AGMO: variants seen among roughly 807,000 people sequenced by gnomAD.
AGMO encodes the protein alkylglycerol monooxygenase.
Under a neutral mutation model 60.2 loss-of-function variants are expected in AGMO, and 75 were observed. The ratio of observed to expected loss-of-function variants is 1.25; its 90% CI spans 1.03 to 1.51. AGMO has a LOEUF of 1.51. Ranked by LOEUF, AGMO falls within the 40% of genes most tolerant of loss-of-function variation. The pLI is 0.00. For missense variants in AGMO, 763 were observed against 525.5 expected, an observed-to-expected ratio of 1.45 and a Z score of -4.42; for synonymous variants, 261 against 177.1, an observed-to-expected ratio of 1.47 and a Z score of -3.76.
chr7:15,406,979 C>T (rs1171630060), intron 5 of AGMO, among the ~76,000 whole-genome samples: 1 of 140,470 alleles, frequency 7.1e-6, no homozygotes, highest in Non-Finnish European at 1.5e-5. Flanking sequence ...TACACATGTA[C>T]ACATGTGTGT....
intron 12 of AGMO, among the ~76,000 whole-genome samples, chr7:15,356,456 G>A (rs1174371758): frequency 6.6e-6 from 1 of 151,962 alleles, no homozygotes; most frequent in Non-Finnish European, 1.5e-5. Flanking sequence ...ACCATATATA[G>A]TATATAAGAT....
intron 12 of AGMO, among the ~76,000 whole-genome samples, chr7:15,327,936 A>T (rs547833605): frequency 2.6e-4 from 37 of 142,546 alleles, no homozygotes; most frequent in African/African-American, 9.3e-4. Context: ...GGGCTAATTT[A>T]AAAAAAAAAA....
chr7:15,157,791 T>A, the AGMO span, among the ~76,000 whole-genome samples: 124 of 152,360 alleles, frequency 8.1e-4, no homozygotes, highest in South Asian at 2.9e-3. Context: ...TTGTGTAAGG[T>A]CTAACTCCTC....
At position 15,358,498 on chromosome 7, in the gene AGMO, G is replaced by A. The variant is rs932556532; in HGVS notation, c.1263+7016C>T. ...TGTTGGTACTCCGTGATTTCAGTCAGAACTGTGAATTAGGAGGGTAAGAAT... is the reference window on the plus strand; with the variant it reads ...TGTTGGTACTCCGTGATTTCAGTCAAAACTGTGAATTAGGAGGGTAAGAAT... On this transcript the variant is annotated intron_variant, in intron 12 of 12. Coordinates refer to ENST00000342526, the MANE Select transcript of AGMO (RefSeq NM_001004320.2). 30 of 463,972 alleles carry A rather than the reference G, an allele frequency of 6.5e-5. No individual in the cohort carries two copies. In the Middle Eastern group the frequency reaches 1.7e-3, roughly 26 times the overall value. The allele number at this position is 463,972 out of a possible 1,614,324, so 28.7% of individuals were successfully genotyped here. A position where few individuals can be genotyped will look rare whatever the true frequency, so the allele number is the denominator to read the frequency against.
At chr7:15,400,578 G>T (rs372808192) in intron 5 of AGMO, among the ~76,000 whole-genome samples, 3 of 152,176 alleles carry the variant, frequency 2.0e-5, no homozygotes, top group East Asian at 3.9e-4. Flanking sequence ...GGGAGTGAGT[G>T]TGGTGGTCAT....
chr7:15,368,258 G>A (rs1180536112), intron 10 of AGMO, among the ~76,000 whole-genome samples: 5 of 147,694 alleles, frequency 3.4e-5, no homozygotes, highest in Non-Finnish European at 5.9e-5. Flanking sequence ...GGTCGGCGAT[G>A]TCCACTTAGG....
intron 12 of AGMO, among the ~76,000 whole-genome samples, chr7:15,269,799 T>G (rs1014944693): frequency 3.3e-5 from 5 of 151,988 alleles, no homozygotes; most frequent in African/African-American, 1.2e-4. Context: ...ATCTATTATT[T>G]CCATCTTTAT....
chr7:15,354,318 GTA>G (rs1563104763), intron 12 of AGMO, among the ~76,000 whole-genome samples: 14 of 68,588 alleles, frequency 2.0e-4, no homozygotes, highest in Admixed American at 5.3e-4. Flanking sequence ...ATACACGCGT[GTA>G]TATACGTACG....
At chr7:15,170,412 T>G in the AGMO span, among the ~76,000 whole-genome samples, 1 of 152,116 alleles carries the variant, frequency 6.6e-6, no homozygotes, top group Non-Finnish European at 1.5e-5. Flanking sequence ...TAGAAAAATA[T>G]AGATAAACAA....
At chr7:15,253,817 C>T (rs1783017370) in intron 12 of AGMO, among the ~76,000 whole-genome samples, 1 of 152,104 alleles carries the variant, frequency 6.6e-6, no homozygotes, top group Admixed American at 6.5e-5. Context: ...ACTGTAACAC[C>T]GTAGTCATTG....
chr7:15,375,463 T>G (rs1583475176), intron 10 of AGMO, among the ~76,000 whole-genome samples: 1 of 150,226 alleles, frequency 6.7e-6, no homozygotes. Context: ...TAGCACAATC[T>G]TGGCTTCTGC....
At chr7:15,524,873 AAAAG>A (rs1784083670) in intron 3 of AGMO, among the ~76,000 whole-genome samples, 1 of 151,658 alleles carries the variant, frequency 6.6e-6, no homozygotes, top group South Asian at 2.1e-4. Flanking sequence ...AAAAAAAAAA[AAAAG>A]AAAGAAATAT....
the AGMO span, among the ~76,000 whole-genome samples, chr7:15,138,347 G>A: frequency 6.6e-6 from 1 of 152,144 alleles, no homozygotes; most frequent in Admixed American, 6.6e-5. Flanking sequence ...ACTCTCTCCT[G>A]GATGATTTAA....
At chr7:15,457,413 A>G (rs1782026812) in intron 3 of AGMO, among the ~76,000 whole-genome samples, 1 of 152,202 alleles carries the variant, frequency 6.6e-6, no homozygotes, top group South Asian at 2.1e-4. Flanking sequence ...ATTTTTCTGC[A>G]AACTTCCTAA....
chr7:15,268,701 T>TA (rs1245779493), intron 12 of AGMO, among the ~76,000 whole-genome samples: 3 of 151,836 alleles, frequency 2.0e-5, no homozygotes, highest in Admixed American at 6.6e-5. Flanking sequence ...GTTCTTTTTT[T>TA]AAAAAAAGAT....
At chr7:15,385,265 C>A (rs1037583055) in intron 10 of AGMO, among the ~76,000 whole-genome samples, 181 bp downstream of exon 10, 3 of 152,172 alleles carry the variant, frequency 2.0e-5, no homozygotes, top group Non-Finnish European at 4.4e-5. Context: ...GGATAGAATT[C>A]ATTCATTTAC....
chr7:15,388,307 T>C (rs1005482393), intron 8 of AGMO, among the ~76,000 whole-genome samples: 1 of 152,144 alleles, frequency 6.6e-6, no homozygotes, highest in Non-Finnish European at 1.5e-5. Context: ...CTGCTCAAGG[T>C]CATCGCCAAG....
At chr7:15,119,175 C>A in the AGMO span, among the ~76,000 whole-genome samples, 1 of 151,682 alleles carries the variant, frequency 6.6e-6, no homozygotes, top group South Asian at 2.1e-4. Flanking sequence ...GAAATGTAAT[C>A]CCCAATGCTG....
At chr7:15,285,750 C>T (rs1784082017) in intron 12 of AGMO, among the ~76,000 whole-genome samples, 2 of 151,944 alleles carry the variant, frequency 1.3e-5, no homozygotes, top group Admixed American at 6.6e-5. Context: ...ACAAAAATAA[C>T]CTTAATAGCT....
Sources: gnomAD v4.1 joint callset for allele counts (sites outside exome capture counted in the v4.1 genomes callset) on GRCh38, gnomAD v4.1.1 for gene constraint, MANE v1.5 for transcripts, NCBI Gene and HGNC (gene_info 2026-07-23, HGNC 2026-07-21) for gene names.